Variants in IGF2 observed in about 807,000 individuals in gnomAD.
IGF2 encodes insulin like growth factor 2.
IGF2 carries 2 observed loss-of-function variants against 12.0 expected under a neutral mutation model. That is an observed-to-expected ratio of 0.17 (90% CI 0.07 to 0.52). The LOEUF is 0.52. Ranked by LOEUF, IGF2 falls within the 20% of genes least tolerant of loss-of-function variation. The pLI is 0.95. For missense variants in IGF2, 211 were observed against 268.0 expected (o/e 0.79, Z 1.48); for synonymous variants, 105 against 110.1 (o/e 0.95, Z 0.29).
At chr11:2,145,512 G>A (rs1859865955), upstream of IGF2, among the ~76,000 whole-genome samples, 1 of 152,230 alleles carries the variant, frequency 6.6e-6, no homozygotes, top group South Asian at 2.1e-4. Flanking sequence ...TCCTCTTTGG[G>A]GGTGCTGGGG....
At position 2,132,078 on chromosome 11, in the gene IGF2, A is replaced by T; in HGVS notation, c.*909T>A. ...CTGTGCTCGTGTGTGTGCTGTGTTC[A>T]TGCGTGTGCTGTGTGTTGTGTGTGT... On this transcript the variant is annotated 3_prime_UTR_variant, in exon 4 of 4. Coordinates refer to ENST00000416167, the MANE Select transcript of IGF2 (RefSeq NM_000612.6). 1.8e-5 allele frequency: 1 copy of T among 54,692 alleles called. No individual in the cohort carries two copies. The highest frequency in any genetic ancestry group is 3.4e-5 in the Non-Finnish European group (1 of 29,448). The allele number at this position is 54,692 out of a possible 1,614,324, so 3.4% of individuals were successfully genotyped here. A position where few individuals can be genotyped will look rare whatever the true frequency, so the allele number is the denominator to read the frequency against.
chr11:2,149,074 A>T, the IGF2 span: 1 of 1,554,194 alleles, frequency 6.4e-7, no homozygotes, highest in Non-Finnish European at 8.9e-7. Flanking sequence ...CCACGCCTGA[A>T]CACTTAAAGT....
Position 2,138,294 on chromosome 11 carries a change from G to A in IGF2, c.-72C>T. On this transcript the variant is annotated 5_prime_UTR_variant, in exon 1 of 4. Transcript: ENST00000416167. ...GTCGCAAACCGAACAGCGGGCGTTG[G>A]CCCTCCTGCCGGACACTCCTCTGCC... The A allele has an allele frequency of 2.0e-6, 2 of 984,790 alleles. No individual in the cohort carries two copies. The highest frequency in any genetic ancestry group is 2.4e-6 in the Non-Finnish European group (2 of 829,696). The allele number at this position is 984,790 out of a possible 1,614,324, so 61.0% of individuals were successfully genotyped here.
At chr11:2,139,583 G>GC (rs1418360997), upstream of IGF2, among the ~76,000 whole-genome samples, 1 of 147,544 alleles carries the variant, frequency 6.8e-6, no homozygotes, top group Non-Finnish European at 1.5e-5. Context: ...CCCCGGGGGG[G>GC]GGGCGGCGGT....
chr11:2,140,458 C>T, upstream of IGF2: 1 of 644,766 alleles, frequency 1.6e-6, no homozygotes, highest in South Asian at 2.0e-5. Flanking sequence ...CCTCGCCCCC[C>T]TCGCTCCGCC....
At chr11:2,143,673 T>A (rs757548652), upstream of IGF2, among the ~76,000 whole-genome samples, 154 of 152,210 alleles carry the variant, frequency 1.0e-3, no homozygotes, top group Non-Finnish European at 1.7e-3. Context: ...ATAGTGTAAG[T>A]CTGGAAAAGC....
chr11:2,137,049 G>A (rs968683171), intron 1 of IGF2: 1 of 163,070 alleles, frequency 6.1e-6, no homozygotes, highest in African/African-American at 2.4e-5. Flanking sequence ...AGGAAAAGAG[G>A]GGAGGGGGGT....
chr11:2,133,464 G>A lies in IGF2; in HGVS notation c.306+53C>T, dbSNP rs149637507. 20 of 1,541,728 alleles carry A rather than the reference G, an allele frequency of 1.3e-5. No homozygotes were observed. Among genetic ancestry groups the A allele is most frequent in the African/African-American group, 2.8e-5 (2 of 72,236 alleles). ...AGGCCACAGGAAACGCTGGGCGCCC[G>A]AAGCCCTATTTCTCTGTCTCTAGAG... is the stretch of plus-strand genomic sequence containing the variant. On this transcript the variant is annotated intron_variant, in intron 3 of 3. Transcript: ENST00000416167. The surrounding 1 kb of genome is among the most constrained non-coding windows in gnomAD (Gnocchi z 8.9).
At position 2,133,633 on chromosome 11, in the gene IGF2, G is replaced by A. The variant is rs762200142; in HGVS notation, c.190C>T (p.Arg64Cys). The change falls in exon 3 of 4, where the codon CGT becomes TGT. Residue 64 changes from arginine (R) to cysteine (C), a missense_variant. Around this residue, in one of 3 missense-constraint regions of IGF2, gnomAD observed 30 missense variants for 79.2 expected, o/e 0.38. Coordinates refer to ENST00000416167, the MANE Select transcript of IGF2 (RefSeq NM_000612.6). This position sits in a 1 kb window ranked among gnomAD's most constrained non-coding sequence, Gnocchi z 8.9. The part of the protein sequence containing the change: ...RPASRVSRRS[R>C]GIVEECCFRS... The stretch of plus-strand genomic sequence containing the variant: ...AAACAGCACTCCTCAACGATGCCAC[G>A]GCTGCGACGGCTCACACGGCTTGCG... The A allele has an allele frequency of 6.8e-6, 11 of 1,612,916 alleles. No homozygotes were observed. The highest frequency in any genetic ancestry group is 3.3e-5 in the Admixed American group (2 of 59,990).
In IGF2 at chr11:2,131,311, C is replaced by G. The variant is rs3168310; in HGVS notation, c.*1676G>C. On this transcript the variant is annotated 3_prime_UTR_variant, in exon 4 of 4. Transcript: ENST00000416167. Reference sequence around the variant, plus strand: ...GGGGCAGTGGAGATGGGAACAGGAGCGGGGCTCAGACCATGAAAACATTGG... The same window carrying G: ...GGGGCAGTGGAGATGGGAACAGGAGGGGGGCTCAGACCATGAAAACATTGG... 165,890 of 233,194 alleles carry G rather than the reference C, an allele frequency of 0.71. 59,598 individuals are homozygous for G. Among genetic ancestry groups the G allele is most frequent in the African/African-American group, 0.78 (35,468 of 45,434 alleles). The allele number at this position is 233,194 out of a possible 1,614,324, so 14.4% of individuals were successfully genotyped here.
upstream of IGF2, chr11:2,140,694 G>A: frequency 2.2e-6 from 1 of 448,724 alleles, no homozygotes; most frequent in Admixed American, 2.5e-5. Flanking sequence ...AGGAGCGAGC[G>A]CAGCCGCCAG....
intron 1 of IGF2, chr11:2,137,217 AGG>A: frequency 1.1e-6 from 1 of 909,472 alleles, no homozygotes; most frequent in South Asian, 4.9e-5. Flanking sequence ...TCGCTGGGGC[AGG>A]AGGAGGAGGA....
chr11:2,141,839 TA>T (rs1204427978), upstream of IGF2, among the ~76,000 whole-genome samples: 1 of 152,036 alleles, frequency 6.6e-6, no homozygotes, highest in African/African-American at 2.4e-5. Flanking sequence ...AAATAAAAAA[TA>T]AAAAAATAAA....
the IGF2 span, chr11:2,147,870 A>G: frequency 8.6e-7 from 1 of 1,162,208 alleles, no homozygotes. This position sits in a 1 kb window ranked among gnomAD's most constrained non-coding sequence, Gnocchi z 7.2. Flanking sequence ...CCCCCTCCCC[A>G]TACACCCCAA....
rs58562468 is a variant in IGF2, at chr11:2,131,525, G to A, written c.*1462C>T. ...TGAGCTGTGTTCATGTATGTGCTGC[G>A]CATGAGTGTGTGTGCTGTGTGTGCA... On this transcript the variant is annotated 3_prime_UTR_variant, in exon 4 of 4. Transcript: ENST00000416167. 0.068 allele frequency: 15,491 copies of A among 228,712 alleles called. 625 individuals are homozygous for A. The highest frequency in any genetic ancestry group is 0.084 in the Non-Finnish European group (9,784 of 117,144). 14.2% of individuals were successfully genotyped at this position (228,712 alleles called of 1,614,324 possible).
chr11:2,136,548 C>T (rs1859069251), intron 1 of IGF2, among the ~76,000 whole-genome samples: 1 of 152,236 alleles, frequency 6.6e-6, no homozygotes, highest in Non-Finnish European at 1.5e-5. Flanking sequence ...TTGGCCCTGC[C>T]CCTGCAGAAG....
At chr11:2,146,758 A>G in the IGF2 span, 1 of 251,208 alleles carries the variant, frequency 4.0e-6, no homozygotes, top group South Asian at 4.1e-5. Flanking sequence ...GTCGTGGGGC[A>G]GGTACAGGGA....
upstream of IGF2, among the ~76,000 whole-genome samples, chr11:2,144,958 G>C (rs1027693167): frequency 2.0e-5 from 3 of 152,174 alleles, no homozygotes; most frequent in Non-Finnish European, 4.4e-5. Context: ...GGTGTGGGGA[G>C]CTGGGCAGGA....
rs61872708 is a variant in IGF2 at position 2,132,041 on chromosome 11, T to G, written c.*946A>C. 1 of 35,326 alleles carries G rather than the reference T, an allele frequency of 2.8e-5. No homozygotes were observed. The highest frequency in any genetic ancestry group is 2.1e-4 in the East Asian group (1 of 4,672). The allele number at this position is 35,326 out of a possible 1,614,324, so 2.2% of individuals were successfully genotyped here. ...ATCTGTGTGCTGTGTGTGCTGTGCG[T>G]TTGTGTGTGTGCTGTGCTCGTGTGT... On this transcript the variant is annotated 3_prime_UTR_variant, in exon 4 of 4. Coordinates refer to ENST00000416167, the MANE Select transcript of IGF2 (RefSeq NM_000612.6).
Sources: gnomAD v4.1 joint callset for allele counts (sites outside exome capture counted in the v4.1 genomes callset) on GRCh38, gnomAD v4.1.1 for gene constraint, gnomAD v4.1.1 regional missense constraint, Gnocchi (gnomAD v3.1) non-coding constraint, MANE v1.5 for transcripts, NCBI Gene and HGNC (gene_info 2026-07-23, HGNC 2026-07-21) for gene names.